ZBED4: variants seen among roughly 807,000 people sequenced by gnomAD.
ZBED4 encodes zinc finger BED domain-containing protein 4.
Under a neutral mutation model 15.5 loss-of-function variants are expected in ZBED4, and 4 were observed. The observed-to-expected ratio is 0.26, with a 90% CI of 0.13 to 0.59. The LOEUF is 0.59. Among genes scored for constraint, ZBED4 ranks in the 20% least tolerant of loss-of-function variants. The pLI, the probability that ZBED4 is intolerant of heterozygous loss-of-function variation, is 0.90. For missense variants in ZBED4, 1,323 were observed against 1,461.8 expected, an observed-to-expected ratio of 0.91 and a Z score of 1.55; for synonymous variants, 692 against 608.5, an observed-to-expected ratio of 1.14 and a Z score of -2.02.
chr22:49,860,181 TC>T (rs1303666759), intron 1 of ZBED4, among the ~76,000 whole-genome samples: 1 of 152,196 alleles, frequency 6.6e-6, no homozygotes, highest in African/African-American at 2.4e-5. Flanking sequence ...TGCCTGGAGT[TC>T]CAGCTACTCA....
chr22:49,861,133 A>G (rs1036155001), intron 1 of ZBED4, among the ~76,000 whole-genome samples: 5 of 151,766 alleles, frequency 3.3e-5, no homozygotes, highest in African/African-American at 1.2e-4. Context: ...CACACCCACA[A>G]CTCATTTCCC....
intron 1 of ZBED4, among the ~76,000 whole-genome samples, chr22:49,860,278 G>A (rs1487114054): frequency 4.6e-5 from 7 of 152,182 alleles, no homozygotes; most frequent in African/African-American, 1.4e-4. Flanking sequence ...CTGCCTGGGC[G>A]ACAGAGTGAG....
In ZBED4 at chr22:49,884,075, A is replaced by G; in HGVS notation, c.413A>G (p.Tyr138Cys). Residue 138 changes from tyrosine (Y) to cysteine (C), a missense_variant, in exon 2 of 2, where the codon TAC becomes TGC. Tyr to Cys is a radical substitution (Grantham distance 194). Around this residue, in one of 6 missense-constraint regions of ZBED4, gnomAD observed 380 missense variants for 413.7 expected, o/e 0.92. Coordinates refer to ENST00000216268, the MANE Select transcript of ZBED4 (RefSeq NM_014838.3). ...GACAGCACTAAAGCAATATGCATGT[A>G]CTGTGTGAAGGAGTTCAGCAGAGGC... ...PRDSTKAICM[Y>C]CVKEFSRGKN... The G allele has an allele frequency of 6.2e-7, 1 of 1,610,586 alleles. No homozygotes were observed. The highest frequency in any genetic ancestry group is 1.1e-5 in the South Asian group (1 of 90,702).
Position 49,887,145 on chromosome 22 carries a change from A to G in ZBED4, c.3483A>G (p.Lys1161=), listed in dbSNP as rs753550741. The G allele has an allele frequency of 1.2e-6, 2 of 1,613,320 alleles. No homozygotes were observed. The highest frequency in any genetic ancestry group is 1.7e-6 in the Non-Finnish European group (2 of 1,179,626). The change falls in exon 2 of 2, where the codon AAA becomes AAG. Residue 1161 remains lysine (K), a synonymous_variant. Coordinates refer to ENST00000216268, the MANE Select transcript of ZBED4 (RefSeq NM_014838.3). ...MEHFEKLIFL[K]VNLPLIYFQY is the part of the protein sequence containing the mutation. ...ATTTTGAAAAACTTATCTTTTTGAA[A>G]GTGAATCTTCCCTTAATATACTTTC...
rs149056349 is a variant in ZBED4, at chr22:49,887,106, G to A, written c.3444G>A (p.Arg1148=). Residue 1148 remains arginine (R), a synonymous_variant, in exon 2 of 2, where the codon AGG becomes AGA. Coordinates refer to ENST00000216268, the MANE Select transcript of ZBED4 (RefSeq NM_014838.3). Reference sequence around the variant, plus strand: ...AGAACGGTAGCCTTGGCCAATCCAGGCTCATGATGGAACATTTTGAAAAAC... The same window carrying A: ...AGAACGGTAGCCTTGGCCAATCCAGACTCATGATGGAACATTTTGAAAAAC... ...PTENGSLGQS[R]LMMEHFEKLI... 6.2e-6 allele frequency: 10 copies of A among 1,613,782 alleles called. No individual in the cohort carries two copies. The African/African-American group carries it at 1.3e-4, about 22-fold the overall frequency.
chr22:49,886,496 G>T lies in ZBED4; in HGVS notation c.2834G>T (p.Arg945Leu). The T allele has an allele frequency of 6.4e-7, 1 of 1,566,104 alleles. No homozygotes were observed. The highest frequency in any genetic ancestry group is 8.7e-7 in the Non-Finnish European group (1 of 1,154,476). Residue 945 changes from arginine to leucine, a missense_variant, in exon 2 of 2, where the codon CGG (arginine) becomes CTG (leucine). Coordinates refer to ENST00000216268, the MANE Select transcript of ZBED4 (RefSeq NM_014838.3). The surrounding 1 kb of genome is among the most constrained non-coding windows in gnomAD (Gnocchi z 7.7). ...CTAAAGCCCTTCGAGGCTGCGAGCCGGGAGATGAGCACGCAGATGTCCACC... is the reference window on the plus strand; with the variant it reads ...CTAAAGCCCTTCGAGGCTGCGAGCCTGGAGATGAGCACGCAGATGTCCACC... ...RALKPFEAAS[R>L]EMSTQMSTLS... is the part of the protein sequence containing the mutation.
chr22:49,882,804 GT>G (rs1266601087), intron 1 of ZBED4, among the ~76,000 whole-genome samples: 4 of 152,232 alleles, frequency 2.6e-5, no homozygotes, highest in African/African-American at 9.6e-5. Flanking sequence ...GCTGGAAGCG[GT>G]TTTCACCCAC....
intron 1 of ZBED4, among the ~76,000 whole-genome samples, chr22:49,863,296 A>T (rs1231525065): frequency 6.6e-6 from 1 of 152,104 alleles, no homozygotes; most frequent in Non-Finnish European, 1.5e-5. Context: ...AATAACTGGG[A>T]CCACAGGCAC....
intron 1 of ZBED4, among the ~76,000 whole-genome samples, chr22:49,854,248 C>T (rs981202764): frequency 6.7e-6 from 1 of 149,272 alleles, no homozygotes; most frequent in African/African-American, 2.4e-5. Context: ...GGTCGGCGCC[C>T]GGCCTGGCCC....
At chr22:49,866,813 G>A (rs967999904) in intron 1 of ZBED4, among the ~76,000 whole-genome samples, 1 of 152,144 alleles carries the variant, frequency 6.6e-6, no homozygotes, top group African/African-American at 2.4e-5. Flanking sequence ...TCACACAAAC[G>A]GAAATTAGGA....
chr22:49,858,059 G>T (rs59380444), intron 1 of ZBED4, among the ~76,000 whole-genome samples: 1 of 152,120 alleles, frequency 6.6e-6, no homozygotes, highest in African/African-American at 2.4e-5. Context: ...GAGCCACCGC[G>T]CCCAGCCAGT....
intron 1 of ZBED4, among the ~76,000 whole-genome samples, chr22:49,875,896 T>A (rs2060374012): frequency 6.6e-6 from 1 of 152,068 alleles, no homozygotes; most frequent in Non-Finnish European, 1.5e-5. Flanking sequence ...CTTATCAATT[T>A]TATTGCTCTT....
chr22:49,886,954 T>A lies in ZBED4; in HGVS notation c.3292T>A (p.Cys1098Ser). The change falls in exon 2 of 2, where the codon TGT becomes AGT. Residue 1098 changes from cysteine to serine, a missense_variant. Around this residue, in one of 6 missense-constraint regions of ZBED4, gnomAD observed 312 missense variants for 410.7 expected, o/e 0.76. Transcript: ENST00000216268. This position sits in a 1 kb window ranked among gnomAD's most constrained non-coding sequence, Gnocchi z 7.7. ...YLEEEVLEHSCDPLTYWNLKK... is the reference protein window; with the variant it reads ...YLEEEVLEHSSDPLTYWNLKK... Reference sequence around the variant, plus strand: ...GGAGGAGGAGGTGCTTGAACACAGCTGTGACCCGCTCACCTACTGGAACCT... The same window carrying A: ...GGAGGAGGAGGTGCTTGAACACAGCAGTGACCCGCTCACCTACTGGAACCT... The A allele has an allele frequency of 6.2e-7, 1 of 1,614,076 alleles. No homozygotes were observed. The highest frequency in any genetic ancestry group is 8.5e-7 in the Non-Finnish European group (1 of 1,180,018).
Position 49,885,381 on chromosome 22 carries a change from C to T in ZBED4, c.1719C>T (p.Asp573=). The T allele has an allele frequency of 1.3e-6, 2 of 1,595,978 alleles. No individual in the cohort carries two copies. Among genetic ancestry groups the T allele is most frequent in the South Asian group, 2.2e-5 (2 of 90,532 alleles). Residue 573 remains aspartate (D), a synonymous_variant, in exon 2 of 2, where the codon GAC becomes GAT. Transcript: ENST00000216268. ...ATCATTTTTCTATTTGCTCCGCAGACTCCACAAAAGTCGTGTGCTTGCACT... is the reference window on the plus strand; with the variant it reads ...ATCATTTTTCTATTTGCTCCGCAGATTCCACAAAAGTCGTGTGCTTGCACT... ...LWNHFSICSA[D]STKVVCLHCG...
intron 1 of ZBED4, among the ~76,000 whole-genome samples, chr22:49,858,046 C>T (rs1053618898): frequency 1.3e-5 from 2 of 152,172 alleles, no homozygotes; most frequent in African/African-American, 2.4e-5. Flanking sequence ...GGACTACAGG[C>T]GTGAGCCACC....
Position 49,885,096 on chromosome 22 carries a change from G to C in ZBED4, c.1434G>C (p.Arg478=). Residue 478 remains arginine, a synonymous_variant, in exon 2 of 2, where the codon CGG becomes CGC. Coordinates refer to ENST00000216268, the MANE Select transcript of ZBED4 (RefSeq NM_014838.3). ...APMDSLKAEC[R]YCGCAISRGK... ...TGGACAGCCTCAAGGCCGAGTGTCG[G>C]TACTGCGGCTGTGCCATCAGCCGGG... 1 of 1,613,822 alleles carries C rather than the reference G, an allele frequency of 6.2e-7. No individual in the cohort carries two copies. The highest frequency in any genetic ancestry group is 1.1e-5 in the South Asian group (1 of 91,030).
At position 49,881,179 on chromosome 22, in the gene ZBED4, C is replaced by G. The variant is rs181747111; in HGVS notation, c.-329-2155C>G. 8.8e-4 allele frequency among the ~76,000 whole-genome samples: 134 copies of G among 152,232 alleles called. 2 individuals carry two copies. The East Asian group carries it at 0.025, about 28-fold the overall frequency. ...TGGCCAACATGGCGAAACCCCGTCTCTACTAAAAATACAAAAGGAATTAGC... is the reference window on the plus strand; with the variant it reads ...TGGCCAACATGGCGAAACCCCGTCTGTACTAAAAATACAAAAGGAATTAGC... On this transcript the variant is annotated intron_variant, in intron 1 of 1. Coordinates refer to ENST00000216268, the MANE Select transcript of ZBED4 (RefSeq NM_014838.3).
At chr22:49,854,197 C>G (rs1255341412) in intron 1 of ZBED4, among the ~76,000 whole-genome samples, 1 of 146,810 alleles carries the variant, frequency 6.8e-6, no homozygotes, top group Admixed American at 6.8e-5. Flanking sequence ...GCCCTGACAG[C>G]TGGCGCGGGG....
Position 49,886,966 on chromosome 22 carries a change from A to G in ZBED4, c.3304A>G (p.Thr1102Ala). 6.2e-7 allele frequency: 1 copy of G among 1,613,874 alleles called. No individual in the cohort carries two copies. The highest frequency in any genetic ancestry group is 8.5e-7 in the Non-Finnish European group (1 of 1,179,984). ...EVLEHSCDPLTYWNLKKASWP... is the reference protein window; with the variant it reads ...EVLEHSCDPLAYWNLKKASWP... Reference sequence around the variant, plus strand: ...GCTTGAACACAGCTGTGACCCGCTCACCTACTGGAACCTGAAGAAGGCGTC... The same window carrying G: ...GCTTGAACACAGCTGTGACCCGCTCGCCTACTGGAACCTGAAGAAGGCGTC... The change falls in exon 2 of 2, where the codon ACC becomes GCC. Residue 1102 changes from threonine to alanine, a missense_variant. Coordinates refer to ENST00000216268, the MANE Select transcript of ZBED4 (RefSeq NM_014838.3). This position sits in a 1 kb window ranked among gnomAD's most constrained non-coding sequence, Gnocchi z 7.7.
Sources: gnomAD v4.1 joint callset for allele counts (sites outside exome capture counted in the v4.1 genomes callset) on GRCh38, gnomAD v4.1.1 for gene constraint, gnomAD v4.1.1 regional missense constraint, Gnocchi (gnomAD v3.1) non-coding constraint, MANE v1.5 for transcripts, NCBI Gene and HGNC (gene_info 2026-07-23, HGNC 2026-07-21) for gene names.